Variants in MYT1L observed in about 807,000 individuals in gnomAD.
MYT1L encodes myelin transcription factor 1 like, also known as myelin transcription factor 1-like protein.
In MYT1L, 12 loss-of-function variants were observed where a neutral mutation model predicts 126.7. The ratio of observed to expected loss-of-function variants is 0.09; its 90% confidence interval spans 0.06 to 0.15. The LOEUF is 0.15. MYT1L is among the 10% of genes least tolerant of loss of function. MYT1L has a pLI of 1.00. For synonymous variants in MYT1L, 541 were observed against 604.2 expected (o/e 0.90, Z 1.53); for missense variants, 979 against 1,585.2 (o/e 0.62, Z 6.49).
intron 23 of MYT1L, among the ~76,000 whole-genome samples, chr2:1,800,526 C>G (rs2034646172): frequency 6.6e-6 from 1 of 152,046 alleles, no homozygotes; most frequent in African/African-American, 2.4e-5. Flanking sequence ...TCACGGGGGG[C>G]CTGGAAATCC....
At chr2:2,300,244 G>A (rs1409113649) in intron 1 of MYT1L, among the ~76,000 whole-genome samples, 1 of 152,224 alleles carries the variant, frequency 6.6e-6, no homozygotes, top group East Asian at 1.9e-4. Context: ...ATACATGTGA[G>A]TAGAGGCATT....
intron 18 of MYT1L, among the ~76,000 whole-genome samples, chr2:1,879,515 A>G (rs1214800499): frequency 3.9e-5 from 6 of 152,172 alleles, no homozygotes; most frequent in Non-Finnish European, 8.8e-5. Flanking sequence ...GCCAAATTTA[A>G]TTAGGTGTGA....
chr2:2,293,867 T>C (rs2149477705), intron 1 of MYT1L, among the ~76,000 whole-genome samples: 1 of 152,304 alleles, frequency 6.6e-6, no homozygotes, highest in Non-Finnish European at 1.5e-5. Flanking sequence ...GGCTTGTTCA[T>C]GCCCAGTTCC....
chr2:2,241,737 T>C (rs2094444418), intron 2 of MYT1L, among the ~76,000 whole-genome samples: 1 of 152,200 alleles, frequency 6.6e-6, no homozygotes, highest in Admixed American at 6.5e-5. Flanking sequence ...AGATGTACAG[T>C]GGACTATTAT....
intron 4 of MYT1L, among the ~76,000 whole-genome samples, chr2:2,051,443 A>G (rs868696574): frequency 2.2e-4 from 33 of 152,284 alleles, no homozygotes; most frequent in South Asian, 4.2e-4. Context: ...ATTCATTGAG[A>G]TGTGACTGAG....
intron 2 of MYT1L, among the ~76,000 whole-genome samples, chr2:2,184,059 A>G (rs1156716004): frequency 6.6e-6 from 1 of 150,486 alleles, no homozygotes; most frequent in Non-Finnish European, 1.5e-5. Context: ...GAAAGAAAGA[A>G]AAAAGGGGAG....
intron 3 of MYT1L, among the ~76,000 whole-genome samples, chr2:2,161,472 G>C (rs2087918678): frequency 6.6e-6 from 1 of 152,266 alleles, no homozygotes; most frequent in Non-Finnish European, 1.5e-5. Context: ...AATGAAACAA[G>C]TGAGGCCACT....
rs1337864132 is a variant in MYT1L, at chr2:1,790,876, TTAAA to T, written c.*987_*990del. 1.2e-5 allele frequency: 2 copies of T among 163,012 alleles called. No homozygotes were observed. Among genetic ancestry groups the T allele is most frequent in the African/African-American group, 4.8e-5 (2 of 41,616 alleles). 10.1% of individuals were successfully genotyped at this position (163,012 alleles called of 1,614,324 possible). A position where few individuals can be genotyped will look rare whatever the true frequency, so the allele number is the denominator to read the frequency against. On this transcript the variant is annotated 3_prime_UTR_variant, in exon 25 of 25. Transcript: ENST00000647738. The stretch of plus-strand genomic sequence containing the variant: ...AAGTGAAAAGGGGAAATAAATGTTC[TTAAA>T]TTATCTTTTAGCTTAAATCGAAAAC...
At chr2:1,978,288 ACT>A (rs1463153151) in intron 8 of MYT1L, among the ~76,000 whole-genome samples, 1 of 152,208 alleles carries the variant, frequency 6.6e-6, no homozygotes, top group Non-Finnish European at 1.5e-5. Context: ...GGGTCTGCTC[ACT>A]GAGGGTTTGT....
At position 1,979,886 on chromosome 2, in the gene MYT1L, T is replaced by C; in HGVS notation, c.1-109A>G. 8.8e-7 allele frequency: 1 copy of C among 1,142,172 alleles called. No homozygotes were observed. Among genetic ancestry groups the C allele is most frequent in the Non-Finnish European group, 1.3e-6 (1 of 776,942 alleles). 70.8% of individuals were successfully genotyped at this position (1,142,172 alleles called of 1,614,324 possible). ...TCTATTAATGGGGCTTTAATCCTGT[T>C]TCCCTCCATGAAGGGAAGCCCTCTA... On this transcript the variant is annotated intron_variant, in intron 5 of 24. Coordinates refer to ENST00000647738, the MANE Select transcript of MYT1L (RefSeq NM_001303052.2). This position sits in a 1 kb window ranked among gnomAD's most constrained non-coding sequence, Gnocchi z 4.0.
At chr2:2,093,262 T>C (rs1016785989) in intron 3 of MYT1L, among the ~76,000 whole-genome samples, 26 of 122,684 alleles carry the variant, frequency 2.1e-4, no homozygotes, top group Non-Finnish European at 1.1e-4. Flanking sequence ...AGAAAGTCAA[T>C]GAGCCAGTAT....
chr2:2,266,732 A>T (rs2095138894), intron 2 of MYT1L, among the ~76,000 whole-genome samples: 1 of 152,142 alleles, frequency 6.6e-6, no homozygotes, highest in Non-Finnish European at 1.5e-5. Context: ...TAATTGAAAC[A>T]TGGGGGCAGT....
At chr2:1,841,541 C>G (rs2041714422) in intron 19 of MYT1L, 1 of 152,222 alleles carries the variant, frequency 6.6e-6, no homozygotes, top group Admixed American at 6.5e-5. Context: ...CACCGTCAGT[C>G]CCCTTTCAAG....
In MYT1L at chr2:2,224,829, A is replaced by T. The variant is rs1188250131; in HGVS notation, c.-420-51841T>A. Among the ~76,000 whole-genome samples, 2 of 151,990 alleles carry T rather than the reference A, an allele frequency of 1.3e-5. No homozygotes were observed. The highest frequency in any genetic ancestry group is 2.9e-5 in the Non-Finnish European group (2 of 67,994). On this transcript the variant is annotated intron_variant, in intron 2 of 24. Transcript: ENST00000647738. This position sits in a 1 kb window ranked among gnomAD's most constrained non-coding sequence, Gnocchi z 4.0. Reference sequence around the variant, plus strand: ...GCAAGACTCCGTCTCAAAAGAAAAAAAAAAAAAGGAAAATAAATGTTTCAA... The same window carrying T: ...GCAAGACTCCGTCTCAAAAGAAAAATAAAAAAAGGAAAATAAATGTTTCAA...
At chr2:1,814,507 T>C (rs2037326376) in intron 21 of MYT1L, among the ~76,000 whole-genome samples, 1 of 152,240 alleles carries the variant, frequency 6.6e-6, no homozygotes, top group African/African-American at 2.4e-5. Flanking sequence ...CAGGAGCCTT[T>C]GCAGATGGGA....
chr2:2,312,120 G>A (rs1238549914), intron 1 of MYT1L, among the ~76,000 whole-genome samples: 1 of 152,178 alleles, frequency 6.6e-6, no homozygotes, highest in East Asian at 1.9e-4. Context: ...CTTGTGGAAA[G>A]GAGAACAAAG....
chr2:2,137,818 C>T (rs1307712354), intron 3 of MYT1L, among the ~76,000 whole-genome samples: 1 of 152,128 alleles, frequency 6.6e-6, no homozygotes, highest in Non-Finnish European at 1.5e-5. Flanking sequence ...GCAATGGTAA[C>T]AAAAGCCACA....
At chr2:2,262,292 C>G (rs2094989141) in intron 2 of MYT1L, among the ~76,000 whole-genome samples, 1 of 152,192 alleles carries the variant, frequency 6.6e-6, no homozygotes, top group East Asian at 1.9e-4. Context: ...CCATAATATC[C>G]TATCAAGCAA....
intron 2 of MYT1L, among the ~76,000 whole-genome samples, chr2:2,207,818 T>G (rs1183495156): frequency 2.6e-5 from 4 of 152,262 alleles, no homozygotes; most frequent in Non-Finnish European, 5.9e-5. Context: ...TATGGTTGGG[T>G]GATTATTAAC....
Sources: allele counts gnomAD v4.1 joint callset (sites outside exome capture counted in the v4.1 genomes callset), GRCh38; gene constraint gnomAD v4.1.1; non-coding constraint Gnocchi (gnomAD v3.1); transcripts MANE v1.5; gene names NCBI Gene and HGNC (gene_info 2026-07-23, HGNC 2026-07-21).